CDH13: variants seen among roughly 807,000 people sequenced by gnomAD.
CDH13 encodes cadherin-13.
CDH13 carries 24 observed loss-of-function variants against 63.8 expected under a neutral mutation model. The ratio of observed to expected loss-of-function variants is 0.38; its 90% CI spans 0.27 to 0.53. The LOEUF is 0.53. Ranked by LOEUF, CDH13 falls within the 20% of genes least tolerant of loss-of-function variation. The pLI, the probability that CDH13 is intolerant of heterozygous loss-of-function variation, is 0.85. For synonymous variants in CDH13, 503 were observed against 355.3 expected, an observed-to-expected ratio of 1.42 and a Z score of -4.67; for missense variants, 1,049 against 903.1, an observed-to-expected ratio of 1.16 and a Z score of -2.07.
At chr16:83,077,353 G>A (rs1413628604) in intron 3 of CDH13, among the ~76,000 whole-genome samples, 2 of 151,126 alleles carry the variant, frequency 1.3e-5, no homozygotes, top group Non-Finnish European at 3.0e-5. Flanking sequence ...CACCATGCCT[G>A]GCTAATTTAT....
chr16:83,038,709 A>T (rs894554381), intron 3 of CDH13, among the ~76,000 whole-genome samples: 1 of 152,226 alleles, frequency 6.6e-6, no homozygotes, highest in Non-Finnish European at 1.5e-5. Context: ...AAAAGTTTAC[A>T]CAGAAAAGCT....
intron 4 of CDH13, among the ~76,000 whole-genome samples, chr16:83,215,991 C>A (rs1280787733): frequency 6.6e-6 from 1 of 150,818 alleles, no homozygotes; most frequent in Non-Finnish European, 1.5e-5. Context: ...AAGACCACCC[C>A]CCATACTTTG....
intron 12 of CDH13, among the ~76,000 whole-genome samples, chr16:83,781,776 C>T (rs145950603): frequency 2.0e-5 from 3 of 148,324 alleles, no homozygotes; most frequent in African/African-American, 5.0e-5. Context: ...TTTTTGGGGG[C>T]GTGCAGAGGG....
intron 3 of CDH13, among the ~76,000 whole-genome samples, chr16:83,101,740 G>A (rs1390413418): frequency 6.6e-6 from 1 of 152,232 alleles, no homozygotes; most frequent in Admixed American, 6.5e-5. Flanking sequence ...GTTGCAGTAA[G>A]CCGAGATCGT....
chr16:83,554,877 C>G (rs943719022), intron 7 of CDH13, among the ~76,000 whole-genome samples: 1 of 151,352 alleles, frequency 6.6e-6, no homozygotes, highest in African/African-American at 2.4e-5. Flanking sequence ...TACAAAGTTA[C>G]TGCAGCACAT....
intron 11 of CDH13, among the ~76,000 whole-genome samples, chr16:83,759,523 A>G (rs1466260964): frequency 7.4e-6 from 1 of 135,012 alleles, no homozygotes; most frequent in Non-Finnish European, 1.5e-5. Flanking sequence ...CTAACCACAA[A>G]AGAAAAAAAA....
chr16:83,179,807 A>G (rs2038276149), intron 4 of CDH13, among the ~76,000 whole-genome samples: 1 of 152,138 alleles, frequency 6.6e-6, no homozygotes, highest in South Asian at 2.1e-4. Context: ...AATACAAATG[A>G]CTTATATTTT....
chr16:83,161,116 G>A (rs1317260327), intron 4 of CDH13, among the ~76,000 whole-genome samples: 2 of 152,118 alleles, frequency 1.3e-5, no homozygotes, highest in African/African-American at 4.8e-5. Context: ...TGAAAGCTTT[G>A]AATTTTTGAT....
chr16:83,085,265 G>A lies in CDH13; in HGVS notation c.367-40120G>A, dbSNP rs185641798. ...GAAACCCCTGATAAACCCATCAGATGTCTTGAGATTTATTCACTATCATGA... is the reference window on the plus strand; with the variant it reads ...GAAACCCCTGATAAACCCATCAGATATCTTGAGATTTATTCACTATCATGA... On this transcript the variant is annotated intron_variant, in intron 3 of 13. Transcript: ENST00000567109. Among the ~76,000 whole-genome samples the A allele has an allele frequency of 4.1e-3, 618 of 152,222 alleles. 4 individuals are homozygous for A. Among genetic ancestry groups the A allele is most frequent in the African/African-American group, 0.014 (580 of 41,530 alleles).
At chr16:82,721,459 A>T (rs1342628872) in intron 1 of CDH13, among the ~76,000 whole-genome samples, 2 of 152,106 alleles carry the variant, frequency 1.3e-5, no homozygotes, top group East Asian at 3.9e-4. Context: ...AAGGTGCAGG[A>T]TAGGTATGGG....
chr16:82,826,019 AATTTTTTGT>A (rs2038232906), intron 1 of CDH13: 2 of 149,940 alleles, frequency 1.3e-5, no homozygotes, highest in African/African-American at 4.9e-5. Context: ...ACACCGAGCT[AATTTTTTGT>A]ATTTTTTTAG....
chr16:83,391,520 A>T (rs116124988), intron 6 of CDH13, among the ~76,000 whole-genome samples: 1 of 152,136 alleles, frequency 6.6e-6, no homozygotes, highest in Admixed American at 6.5e-5. Flanking sequence ...TAAAATAATG[A>T]TAATAGTAAG....
At chr16:83,131,194 C>T (rs1022472442) in intron 4 of CDH13, among the ~76,000 whole-genome samples, 3 of 128,480 alleles carry the variant, frequency 2.3e-5, no homozygotes, top group Admixed American at 7.4e-5. Flanking sequence ...CCCCCCCCCC[C>T]CCCCCCCGCC....
rs541353789 is a variant in CDH13 at position 82,650,102 on chromosome 16, T to G, written c.45+22965T>G. ...AGAAAGTACACTTGGAGCCTCAACA[T>G]TGCTCTACCTGCAAGTAGTTACCTC... On this transcript the variant is annotated intron_variant, in intron 1 of 13. Coordinates refer to ENST00000567109, the MANE Select transcript of CDH13 (RefSeq NM_001257.5). Among the ~76,000 whole-genome samples, 69 of 152,320 alleles carry G rather than the reference T, an allele frequency of 4.5e-4. 2 individuals are homozygous for G. The South Asian group carries it at 0.014, about 32-fold the overall frequency.
chr16:82,801,555 A>G (rs764285092), intron 1 of CDH13, among the ~76,000 whole-genome samples: 8 of 152,222 alleles, frequency 5.3e-5, no homozygotes, highest in Non-Finnish European at 1.0e-4. Flanking sequence ...AGCTAGGGTC[A>G]AGAACAGCAA....
chr16:83,716,103 A>G (rs1428492497), intron 10 of CDH13, among the ~76,000 whole-genome samples: 1 of 151,932 alleles, frequency 6.6e-6, no homozygotes, highest in Non-Finnish European at 1.5e-5. Flanking sequence ...TTTTGTTTTA[A>G]TAGACTTTGT....
At chr16:83,790,426 G>A (rs1208758980) in intron 13 of CDH13, among the ~76,000 whole-genome samples, 1 of 151,990 alleles carries the variant, frequency 6.6e-6, no homozygotes, top group Non-Finnish European at 1.5e-5. Context: ...TTTTCACAGA[G>A]TCTTGCTGTG....
At chr16:82,676,880 T>TGTTTTGTTTG (rs1438332809) in intron 1 of CDH13, among the ~76,000 whole-genome samples, 5 of 149,982 alleles carry the variant, frequency 3.3e-5, no homozygotes, top group Admixed American at 3.3e-4. Flanking sequence ...TTTTTTGTTT[T>TGTTTTGTTTG]GTTTTGTTTT....
At chr16:83,123,433 C>T (rs1164938048) in intron 3 of CDH13, among the ~76,000 whole-genome samples, 1 of 152,046 alleles carries the variant, frequency 6.6e-6, no homozygotes, top group Non-Finnish European at 1.5e-5. Flanking sequence ...GCATGCACCA[C>T]CATGCCCGGC....
Sources: allele counts gnomAD v4.1 joint callset (sites outside exome capture counted in the v4.1 genomes callset), GRCh38; gene constraint gnomAD v4.1.1; transcripts MANE v1.5; gene names NCBI Gene and HGNC (gene_info 2026-07-23, HGNC 2026-07-21).